Variants in RND3 observed in about 807,000 individuals in gnomAD.
RND3 encodes the protein Rho family GTPase 3.
Under a neutral mutation model 26.5 loss-of-function variants are expected in RND3, and 8 were observed. The observed-to-expected ratio is 0.30, with a 90% CI of 0.18 to 0.54. RND3 has a LOEUF of 0.54. RND3 is among the 20% of genes least tolerant of loss of function. The probability of loss-of-function intolerance (pLI) is 0.94; values close to 1 mark genes in which losing one functional copy is unlikely to be tolerated. For synonymous variants in RND3, 113 were observed against 113.0 expected, an observed-to-expected ratio of 1.00 and a Z score of 0.00; for missense variants, 207 against 302.8, an observed-to-expected ratio of 0.68 and a Z score of 2.35.
At chr2:150,483,957 C>A (rs1366451542) in intron 3 of RND3, among the ~76,000 whole-genome samples, 1 of 152,122 alleles carries the variant, frequency 6.6e-6, no homozygotes, top group African/African-American at 2.4e-5. Flanking sequence ...ATTTTCAAAC[C>A]TTTATATTTT....
chr2:150,472,678 T>C (rs1435988743), intron 4 of RND3, among the ~76,000 whole-genome samples: 1 of 152,134 alleles, frequency 6.6e-6, no homozygotes, highest in Non-Finnish European at 1.5e-5. Flanking sequence ...AAGTGGCGCC[T>C]GACTCTTCCC....
chr2:150,484,204 T>G (rs2105223431), intron 3 of RND3, among the ~76,000 whole-genome samples: 1 of 152,362 alleles, frequency 6.6e-6, no homozygotes, highest in South Asian at 2.1e-4. Context: ...AACTGCTGTA[T>G]GCAAGGCATT....
intron 4 of RND3, among the ~76,000 whole-genome samples, chr2:150,473,274 T>C (rs1349951605): frequency 6.6e-6 from 1 of 152,206 alleles, no homozygotes; most frequent in African/African-American, 2.4e-5. Context: ...CTCACAGGAA[T>C]GTAAAACATA....
Position 150,486,905 on chromosome 2 carries a change from A to T in RND3, c.151-124T>A, listed in dbSNP as rs1230087491. On this transcript the variant is annotated intron_variant, in intron 2 of 5. Transcript: ENST00000263895. The surrounding 1 kb of genome is among the most constrained non-coding windows in gnomAD (Gnocchi z 4.5). ...CAGTTAAGAAAGAAAACCTTCACAC[A>T]TCAGACCACACACTAAGCACATGGA... 3.3e-5 allele frequency: 25 copies of T among 767,754 alleles called. No homozygotes were observed. The highest frequency in any genetic ancestry group is 5.9e-5 in the Non-Finnish European group (25 of 427,188). The allele number at this position is 767,754 out of a possible 1,614,324, so 47.6% of individuals were successfully genotyped here.
chr2:150,482,823 C>G (rs1351234785), intron 3 of RND3, among the ~76,000 whole-genome samples: 1 of 151,988 alleles, frequency 6.6e-6, no homozygotes, highest in Non-Finnish European at 1.5e-5. Flanking sequence ...AACATTGCAA[C>G]CAAGTGGAAA....
chr2:150,485,717 C>T (rs1001991944), intron 3 of RND3, among the ~76,000 whole-genome samples: 17 of 152,130 alleles, frequency 1.1e-4, no homozygotes, highest in Non-Finnish European at 1.2e-4. Context: ...TGGTGCCCCC[C>T]TGCCACTCCC....
At chr2:150,478,631 T>C (rs1388764951) in intron 3 of RND3, among the ~76,000 whole-genome samples, 2 of 141,862 alleles carry the variant, frequency 1.4e-5, no homozygotes, top group Admixed American at 7.0e-5. Context: ...AAGATGCACA[T>C]GAAAAACTCC....
Position 150,474,708 on chromosome 2 carries a change from A to G in RND3, c.348+167T>C, listed in dbSNP as rs146623886. ...AAATAAAATTTCAAGCAAGTTCATC[A>G]TCAAAAAGTGGAAACCCCATTTTGG... On this transcript the variant is annotated intron_variant, in intron 4 of 5. Transcript: ENST00000263895. Among the ~76,000 whole-genome samples, 177 of 152,344 alleles carry G rather than the reference A, an allele frequency of 1.2e-3. 1 individual carries two copies. Among genetic ancestry groups the G allele is most frequent in the African/African-American group, 4.1e-3 (171 of 41,584 alleles).
rs755543766 is a variant in RND3, at chr2:150,471,733, G to C, written c.377C>G (p.Pro126Arg). Residue 126 changes from proline to arginine, a missense_variant, in exon 5 of 6, where the codon CCA (proline) becomes CGA (arginine). Coordinates refer to ENST00000263895, the MANE Select transcript of RND3 (RefSeq NM_005168.5). ...GCCGACCAAGAGCATTTTGGTATTT[G>C]GACAAAATTCCTGGATTTCACCTTT... ...KWKGEIQEFC[P>R]NTKMLLVGCK... 3.1e-6 allele frequency: 5 copies of C among 1,610,280 alleles called. No homozygotes were observed. In the African/African-American group the frequency reaches 6.8e-5, roughly 22 times the overall value.
chr2:150,482,722 CG>C (rs1686295534), intron 3 of RND3, among the ~76,000 whole-genome samples: 1 of 7,158 alleles, frequency 1.4e-4, no homozygotes, highest in Non-Finnish European at 3.1e-4. Context: ...GTGCAATGGG[CG>C]GGGGTGGGGG....
At chr2:150,476,729 T>A (rs1282817056) in intron 3 of RND3, among the ~76,000 whole-genome samples, 1 of 152,146 alleles carries the variant, frequency 6.6e-6, no homozygotes, top group Non-Finnish European at 1.5e-5. Flanking sequence ...AATGAGGCCG[T>A]CTCTGAAAAT....
chr2:150,485,735 T>C (rs1372925550), intron 3 of RND3, among the ~76,000 whole-genome samples: 1 of 152,078 alleles, frequency 6.6e-6, no homozygotes, highest in Non-Finnish European at 1.5e-5. Context: ...CCCCGGCCTT[T>C]GACCTGGCCT....
chr2:150,485,754 A>T (rs1686348425), intron 3 of RND3, among the ~76,000 whole-genome samples: 1 of 151,926 alleles, frequency 6.6e-6, no homozygotes, highest in African/African-American at 2.4e-5. Context: ...CTAAACCCCT[A>T]ACTCAGCCGG....
At chr2:150,475,080 A>G in intron 3 of RND3, 96 bp from the exon 4 acceptor site, 1 of 690,630 alleles carries the variant, frequency 1.4e-6, no homozygotes, top group Non-Finnish European at 2.6e-6. Context: ...TTTGACTGTC[A>G]CATCACGACC....
intron 2 of RND3, 63 bp downstream of exon 2, chr2:150,487,205 C>T (rs1686389701): frequency 1.6e-6 from 2 of 1,262,812 alleles, no homozygotes; most frequent in South Asian, 2.1e-5. Context: ...CGGGGAGGCC[C>T]ACCTCGGGAC....
In RND3 at chr2:150,470,416, T is replaced by C. The variant is rs538207541; in HGVS notation, c.484-178A>G. Among the ~76,000 whole-genome samples the C allele has an allele frequency of 2.0e-5, 3 of 152,302 alleles. No individual in the cohort carries two copies. The East Asian group carries it at 5.8e-4, about 29-fold the overall frequency. ...GTTAAAATGTAAACTGCCTTATTTA[T>C]TACTTCATAACTATTTGCAGTCCAG... On this transcript the variant is annotated intron_variant, in intron 5 of 5. Coordinates refer to ENST00000263895, the MANE Select transcript of RND3 (RefSeq NM_005168.5).
intron 3 of RND3, among the ~76,000 whole-genome samples, chr2:150,479,816 A>G (rs937344750): frequency 8.5e-5 from 13 of 152,246 alleles, no homozygotes; most frequent in African/African-American, 2.7e-4. Context: ...AGTCTGCACA[A>G]CAAATACCAT....
In RND3 at chr2:150,486,814, A is replaced by C; in HGVS notation, c.151-33T>G. On this transcript the variant is annotated intron_variant, in intron 2 of 5. Transcript: ENST00000263895. This position sits in a 1 kb window ranked among gnomAD's most constrained non-coding sequence, Gnocchi z 4.5. ...GACAAAATGGGCAAAAGAGGAAGGA[A>C]AGAGGGCAAAGAGGTTACGTTTAAA... 1 of 1,419,008 alleles carries C rather than the reference A, an allele frequency of 7.0e-7. No individual in the cohort carries two copies. The highest frequency in any genetic ancestry group is 1.0e-6 in the Non-Finnish European group (1 of 1,002,134). 87.9% of individuals were successfully genotyped at this position (1,419,008 alleles called of 1,614,324 possible).
At chr2:150,487,477 ATATATAT>A (rs1451160147) in intron 1 of RND3, 22 bp from the exon 2 acceptor site, 31 of 321,278 alleles carry the variant, frequency 9.6e-5, no homozygotes, top group African/African-American at 7.4e-4. Context: ...AAAAAAAAAT[ATATATAT>A]ATATATATAT....
Sources: allele counts gnomAD v4.1 joint callset (sites outside exome capture counted in the v4.1 genomes callset), GRCh38; gene constraint gnomAD v4.1.1; non-coding constraint Gnocchi (gnomAD v3.1); transcripts MANE v1.5; gene names NCBI Gene and HGNC (gene_info 2026-07-23, HGNC 2026-07-21).